The following TNS2 variants were observed in gnomAD, a reference collection of about 807,000 sequenced individuals.
The protein encoded by TNS2 is tensin-2.
Under a neutral mutation model 155.7 loss-of-function variants are expected in TNS2, and 77 were observed. That is an observed-to-expected ratio of 0.49 (90% confidence interval 0.41 to 0.60). TNS2 has a LOEUF of 0.60. TNS2 is among the 20% of genes least tolerant of loss of function. TNS2 has a pLI of 0.00. For missense variants in TNS2, 1,703 were observed against 1,868.8 expected, an observed-to-expected ratio of 0.91 and a Z score of 1.64; for synonymous variants, 726 against 763.9, an observed-to-expected ratio of 0.95 and a Z score of 0.82.
intron 9 of TNS2, 36 bp from the exon 10 acceptor site, chr12:53,055,745 C>T: frequency 6.2e-7 from 1 of 1,614,246 alleles, no homozygotes; most frequent in Non-Finnish European, 8.5e-7. Context: ...CAGCCTGGAG[C>T]TCCCAGACCC....
intron 14 of TNS2, 37 bp downstream of exon 14, chr12:53,058,139 A>T (rs376950859): frequency 1.2e-6 from 2 of 1,613,626 alleles, no homozygotes; most frequent in Non-Finnish European, 1.7e-6. Flanking sequence ...AATCCTGGAG[A>T]TGGGGCAGGG....
chr12:53,055,366 A>T (rs1944110311), intron 8 of TNS2, 130 bp downstream of exon 8: 1 of 1,195,616 alleles, frequency 8.4e-7, no homozygotes. Flanking sequence ...CTCTCCCATG[A>T]TATATTACTG....
In TNS2 at chr12:53,060,690, C is replaced by T. The variant is rs775391274; in HGVS notation, c.2784C>T (p.Asp928=). The T allele has an allele frequency of 8.9e-6, 14 of 1,581,468 alleles. No homozygotes were observed. Among genetic ancestry groups the T allele is most frequent in the African/African-American group, 1.3e-5 (1 of 74,504 alleles). Residue 928 remains aspartate (D), a synonymous_variant, in exon 20 of 29, where the codon GAC becomes GAT. Coordinates refer to ENST00000314250, the MANE Select transcript of TNS2 (RefSeq NM_170754.4). The surrounding 1 kb of genome is among the most constrained non-coding windows in gnomAD (Gnocchi z 6.1). The stretch of plus-strand genomic sequence containing the variant: ...CACCCTACAGCACCCGGCGACAGGA[C>T]ACCAGGTCCCCCACCTCAGCGCCCA... ...VQGKESTRRQ[D]TRSPTSAPTQ...
At chr12:53,062,280 G>C (rs772039701) in intron 23 of TNS2, 35 bp downstream of exon 23, 1 of 1,613,316 alleles carries the variant, frequency 6.2e-7, no homozygotes, top group South Asian at 1.1e-5. Context: ...GCTACGTTGG[G>C]TCGGTTTAGG....
intron 1 of TNS2, 152 bp from the exon 2 acceptor site, chr12:53,051,703 A>T (rs1203459410): frequency 1.7e-6 from 1 of 604,832 alleles, no homozygotes; most frequent in Non-Finnish European, 2.9e-6. Context: ...GACCGCCCTG[A>T]AGCAGCTGTG....
In TNS2 at chr12:53,057,027, T is replaced by C; in HGVS notation, c.776T>C (p.Leu259Pro). The change falls in exon 11 of 29, where the codon CTG becomes CCG. Residue 259 changes from leucine to proline, a missense_variant. Transcript: ENST00000314250. Reference sequence around the variant, plus strand: ...GCTATCCCCAGGGCGGACCAGGCACTGGCCACTCTTACCATGCGGAAATTC... The same window carrying C: ...GCTATCCCCAGGGCGGACCAGGCACCGGCCACTCTTACCATGCGGAAATTC... ...SKISAGADQA[L>P]ATLTMRKFCE... 6.2e-7 allele frequency: 1 copy of C among 1,613,648 alleles called. No individual in the cohort carries two copies. Among genetic ancestry groups the C allele is most frequent in the Non-Finnish European group, 8.5e-7 (1 of 1,179,896 alleles).
At position 53,058,739 on chromosome 12, in the gene TNS2, G is replaced by A. The variant is rs200073547; in HGVS notation, c.1317G>A (p.Ser439=). Residue 439 remains serine, a synonymous_variant, in exon 17 of 29, where the codon TCG becomes TCA. Coordinates refer to ENST00000314250, the MANE Select transcript of TNS2 (RefSeq NM_170754.4). ...IKGSTPRNDP[S]VSVDYNTTEP... is the part of the protein sequence containing the mutation. ...GCAGCACTCCACGGAACGACCCCTC[G>A]GTCTCTGTCGACTACAACACCACTG... The A allele has an allele frequency of 4.6e-5, 74 of 1,613,842 alleles. No homozygotes were observed. Among genetic ancestry groups the A allele is most frequent in the Middle Eastern group, 1.6e-4 (1 of 6,084 alleles).
chr12:53,052,109 C>A, intron 2 of TNS2, 146 bp downstream of exon 2: 2 of 693,032 alleles, frequency 2.9e-6, no homozygotes, highest in South Asian at 1.9e-5. Flanking sequence ...GCTGCCTCCC[C>A]CTTCAGATGG....
Position 53,063,359 on chromosome 12 carries a change from C to T in TNS2, c.4003C>T (p.Arg1335Cys), listed in dbSNP as rs757953412. 1.2e-5 allele frequency: 20 copies of T among 1,613,874 alleles called. No homozygotes were observed. Among genetic ancestry groups the T allele is most frequent in the East Asian group, 2.2e-5 (1 of 44,876 alleles). ...CCCTCCTCCTTGCAGGCTCTTCTTT[C>T]GCCGCCATTATCCAGTGAACAGCAT... is the stretch of plus-strand genomic sequence containing the variant. The part of the protein sequence containing the change: ...LTDNQRKLFF[R>C]RHYPVNSITF... The change falls in exon 27 of 29, where the codon CGC (arginine) becomes TGC (cysteine). Residue 1335 changes from arginine to cysteine, a missense_variant. By Grantham distance (180) the Arg-to-Cys change is radical. Coordinates refer to ENST00000314250, the MANE Select transcript of TNS2 (RefSeq NM_170754.4). The surrounding 1 kb of genome is among the most constrained non-coding windows in gnomAD (Gnocchi z 5.6).
At chr12:53,052,625 T>A (rs1943979367) in intron 3 of TNS2, 133 bp downstream of exon 3, 2 of 1,230,708 alleles carry the variant, frequency 1.6e-6, no homozygotes, top group African/African-American at 3.0e-5. Context: ...CCCTCCTGGG[T>A]GGGAGGGGTG....
chr12:53,060,368 C>T lies in TNS2; in HGVS notation c.2618-37C>T, dbSNP rs1423897914. 1 of 1,600,314 alleles carries T rather than the reference C, an allele frequency of 6.2e-7. No homozygotes were observed. The highest frequency in any genetic ancestry group is 1.7e-5 in the Admixed American group (1 of 59,470). On this transcript the variant is annotated intron_variant, in intron 18 of 28. Coordinates refer to ENST00000314250, the MANE Select transcript of TNS2 (RefSeq NM_170754.4). The surrounding 1 kb of genome is among the most constrained non-coding windows in gnomAD (Gnocchi z 6.1). ...ACAGCTAAGCCAGACAGAAGAGCCC[C>T]ATCCTGCTCACAGCCCACCTCTCCC...
Position 53,059,431 on chromosome 12 carries a change from G to T in TNS2, c.1790G>T (p.Gly597Val). The T allele has an allele frequency of 6.7e-7, 1 of 1,487,318 alleles. No homozygotes were observed. The highest frequency in any genetic ancestry group is 8.9e-7 in the Non-Finnish European group (1 of 1,121,420). The allele number at this position is 1,487,318 out of a possible 1,614,324, so 92.1% of individuals were successfully genotyped here. A position where few individuals can be genotyped will look rare whatever the true frequency, so the allele number is the denominator to read the frequency against. ...GLSRHCSCRQ[G>V]YREPCGVPNG... is the part of the protein sequence containing the mutation. ...AGCCGCCACTGCTCCTGCCGCCAGG[G>T]CTACCGGGAGCCCTGCGGGGTTCCC... The change falls in exon 18 of 29, where the codon GGC (glycine) becomes GTC (valine). Residue 597 changes from glycine (G) to valine (V), a missense_variant. By Grantham distance (109) the Gly-to-Val change is moderately radical. Transcript: ENST00000314250. This position sits in a 1 kb window ranked among gnomAD's most constrained non-coding sequence, Gnocchi z 4.7.
upstream of TNS2, among the ~76,000 whole-genome samples, chr12:53,049,690 C>T (rs1043819605): frequency 2.0e-5 from 3 of 152,286 alleles, no homozygotes; most frequent in South Asian, 2.1e-4. Flanking sequence ...CCCTCCCCAG[C>T]GGAAGTCCCT....
Position 53,054,377 on chromosome 12 carries a change from G to A in TNS2, c.458G>A (p.Arg153Gln), listed in dbSNP as rs570598192. 14 of 1,611,676 alleles carry A rather than the reference G, an allele frequency of 8.7e-6. No homozygotes were observed. In the South Asian group the frequency reaches 1.5e-4, roughly 18 times the overall value. Reference sequence around the variant, plus strand: ...TTCCCCGCGCGGCCCGATGAACAGCGGCACCGGGGCCACCTGCGCGAGCTG... The same window carrying A: ...TTCCCCGCGCGGCCCGATGAACAGCAGCACCGGGGCCACCTGCGCGAGCTG... ...AAFPARPDEQRHRGHLRELAH... is the reference protein window; with the variant it reads ...AAFPARPDEQQHRGHLRELAH... The change falls in exon 7 of 29, where the codon CGG becomes CAG. Residue 153 changes from arginine (R) to glutamine (Q), a missense_variant. By Grantham distance (43) the Arg-to-Gln change is conservative. Coordinates refer to ENST00000314250, the MANE Select transcript of TNS2 (RefSeq NM_170754.4).
At chr12:53,049,055 T>C (rs539368556), upstream of TNS2, 21 of 929,754 alleles carry the variant, frequency 2.3e-5, 2 homozygotes, top group South Asian at 2.9e-4. Context: ...GGAAGATTAC[T>C]CCCCCTTTTT....
At chr12:53,050,015 C>T (rs1242598073), upstream of TNS2, 24 of 1,443,474 alleles carry the variant, frequency 1.7e-5, no homozygotes, top group East Asian at 1.0e-4. This position sits in a 1 kb window ranked among gnomAD's most constrained non-coding sequence, Gnocchi z 4.7. Flanking sequence ...GCCCCCTTCC[C>T]GCCTGCACTT....
chr12:53,053,387 G>C (rs767265457), intron 3 of TNS2, 24 bp from the exon 4 acceptor site: 1 of 1,613,936 alleles, frequency 6.2e-7, no homozygotes, highest in South Asian at 1.1e-5. Flanking sequence ...CAGGAGCTCA[G>C]TTCCTTACTC....
At chr12:53,054,658 C>T (rs1442377335) in intron 7 of TNS2, among the ~76,000 whole-genome samples, 1 of 151,986 alleles carries the variant, frequency 6.6e-6, no homozygotes, top group Non-Finnish European at 1.5e-5. Flanking sequence ...GCCTTAGCTA[C>T]CTTTTTATTT....
upstream of TNS2, among the ~76,000 whole-genome samples, chr12:53,047,922 G>A (rs1943785289): frequency 6.6e-6 from 1 of 152,166 alleles, no homozygotes; most frequent in African/African-American, 2.4e-5. Context: ...CGCGGCGGCC[G>A]GGCTCCCAGC....
Sources: gnomAD v4.1 joint callset for allele counts (sites outside exome capture counted in the v4.1 genomes callset) on GRCh38, gnomAD v4.1.1 for gene constraint, Gnocchi (gnomAD v3.1) non-coding constraint, MANE v1.5 for transcripts, NCBI Gene and HGNC (gene_info 2026-07-23, HGNC 2026-07-21) for gene names.